MICAL2: variants seen among roughly 807,000 people sequenced by gnomAD.
MICAL2 encodes microtubule associated monooxygenase, calponin and LIM domain containing 2.
Under a neutral mutation model 127.3 loss-of-function variants are expected in MICAL2, and 77 were observed. That is an observed-to-expected ratio of 0.60 (90% CI 0.50 to 0.73). The LOEUF (loss-of-function observed/expected upper bound fraction) is 0.73. Among genes scored for constraint, MICAL2 ranks in the 30% least tolerant of loss-of-function variants. MICAL2 has a pLI of 0.00. For synonymous variants in MICAL2, 570 were observed against 551.1 expected (o/e 1.03, Z -0.48); for missense variants, 1,351 against 1,434.4 (o/e 0.94, Z 0.94).
At chr11:12,296,461 A>G (rs547685060), downstream of MICAL2, among the ~76,000 whole-genome samples, 63 of 150,946 alleles carry the variant, frequency 4.2e-4, no homozygotes, top group African/African-American at 1.5e-3. Flanking sequence ...AAACTATTAA[A>G]CTTTAGTTTA....
chr11:12,258,043 C>T (rs1272788314), intron 24 of MICAL2, among the ~76,000 whole-genome samples: 2 of 152,152 alleles, frequency 1.3e-5, no homozygotes, highest in Non-Finnish European at 2.9e-5. Context: ...AACTTGGCCT[C>T]AGTTTGATTT....
chr11:12,228,083 C>T (rs1212637240), intron 15 of MICAL2, among the ~76,000 whole-genome samples: 1 of 152,182 alleles, frequency 6.6e-6, no homozygotes, highest in Non-Finnish European at 1.5e-5. Flanking sequence ...AATCCCAGCA[C>T]TTTGGGAGGC....
chr11:12,257,265 A>G (rs1862456013), intron 24 of MICAL2: 2 of 320,404 alleles, frequency 6.2e-6, no homozygotes, highest in South Asian at 2.3e-4. Flanking sequence ...ACCACCCTCC[A>G]TTGTCCCTGT....
chr11:12,258,454 G>C lies in MICAL2; in HGVS notation c.3143-14G>C, dbSNP rs1225516879. 1 of 1,610,368 alleles carries C rather than the reference G, an allele frequency of 6.2e-7. No homozygotes were observed. Among genetic ancestry groups the C allele is most frequent in the Non-Finnish European group, 8.5e-7 (1 of 1,176,748 alleles). ...GAGAAAAATTTTTCTGTATGTGTGT[G>C]CCTCTTTTTACAGGCAAATTTTACT... On this transcript the variant is annotated splice_polypyrimidine_tract_variant and intron_variant, in intron 24 of 27. Transcript: ENST00000683283.
chr11:12,330,449 A>G (rs1864402423), intron 32 of MICAL2, among the ~76,000 whole-genome samples: 1 of 152,202 alleles, frequency 6.6e-6, no homozygotes, highest in Non-Finnish European at 1.5e-5. Flanking sequence ...AAACATGAGT[A>G]GTCTGCGACA....
At chr11:12,147,463 T>C (rs2133687061) in intron 2 of MICAL2, among the ~76,000 whole-genome samples, 1 of 152,352 alleles carries the variant, frequency 6.6e-6, no homozygotes, top group Non-Finnish European at 1.5e-5. Context: ...AGCTGAATTA[T>C]TTGAACCTTA....
chr11:12,339,831 C>A (rs779858950), intron 32 of MICAL2, among the ~76,000 whole-genome samples: 1 of 152,124 alleles, frequency 6.6e-6, no homozygotes, highest in African/African-American at 2.4e-5. Flanking sequence ...GAGTACCCAG[C>A]CTTGTGAGGT....
chr11:12,264,819 T>C (rs1386066626), downstream of MICAL2, among the ~76,000 whole-genome samples: 1 of 152,222 alleles, frequency 6.6e-6, no homozygotes, highest in Non-Finnish European at 1.5e-5. Context: ...CATTCATTTA[T>C]TCAGCAAATG....
In MICAL2 at chr11:12,134,893, G is replaced by A. The variant is rs139181725; in HGVS notation, c.-148-3497G>A. ...GAGGAGGCTCAAAGATTCAAAAGAG[G>A]TGCAGAAGAATCAAGCCCCAGGAAG... is the stretch of plus-strand genomic sequence containing the variant. On this transcript the variant is annotated intron_variant, in intron 1 of 27. Transcript: ENST00000683283. 7.8e-3 allele frequency among the ~76,000 whole-genome samples: 1,194 copies of A among 152,332 alleles called. 6 individuals are homozygous for A. The highest frequency in any genetic ancestry group is 0.01 in the Non-Finnish European group (702 of 68,026).
At chr11:12,254,453 A>AG (rs1177060368) in intron 22 of MICAL2, 2 of 152,342 alleles carry the variant, frequency 1.3e-5, no homozygotes, top group Non-Finnish European at 2.9e-5. Context: ...TCCGGGGACA[A>AG]GGGGTCTCTG....
chr11:12,262,554 C>A lies in MICAL2; in HGVS notation c.*17+17C>A. 6.2e-7 allele frequency: 1 copy of A among 1,601,984 alleles called. No individual in the cohort carries two copies. Among genetic ancestry groups the A allele is most frequent in the Non-Finnish European group, 8.6e-7 (1 of 1,169,202 alleles). ...TGCTCTAAGGTGACTGGTTTTCTTGCCAATTTTCAAAGAGTGGTACTAACC... is the reference window on the plus strand; with the variant it reads ...TGCTCTAAGGTGACTGGTTTTCTTGACAATTTTCAAAGAGTGGTACTAACC... On this transcript the variant is annotated intron_variant, in intron 27 of 27. Transcript: ENST00000683283.
upstream of MICAL2, among the ~76,000 whole-genome samples, chr11:12,271,811 C>G (rs72869203): frequency 0.41 from 61,671 of 152,046 alleles, 13,686 homozygotes; most frequent in Non-Finnish European, 0.5. Context: ...AAACCCAGCA[C>G]TAGCCATGGC....
chr11:12,240,949 T>C, intron 17 of MICAL2, 91 bp from the exon 18 acceptor site: 5 of 1,499,954 alleles, frequency 3.3e-6, no homozygotes, highest in Non-Finnish European at 4.5e-6. Flanking sequence ...CCTGCTCCTC[T>C]TCTCTTCTCC....
At chr11:12,111,137 G>C (rs938051779) in intron 1 of MICAL2, among the ~76,000 whole-genome samples, 2 of 152,182 alleles carry the variant, frequency 1.3e-5, no homozygotes, top group African/African-American at 4.8e-5. Flanking sequence ...TCCGAGCCTT[G>C]CACGCCCCGT....
chr11:12,293,535 C>T (rs1185989891), downstream of MICAL2: 1 of 1,549,196 alleles, frequency 6.5e-7, no homozygotes, highest in Non-Finnish European at 8.7e-7. Context: ...TTTTAAATAA[C>T]TGCTATTTTT....
At chr11:12,261,543 G>T in intron 26 of MICAL2, 1 of 985,506 alleles carries the variant, frequency 1.0e-6, no homozygotes, top group Non-Finnish European at 1.2e-6. Context: ...TCTACGGTGC[G>T]CAGTGTATCT....
At position 12,255,736 on chromosome 11, in the gene MICAL2, A is replaced by T. The variant is rs1157898247; in HGVS notation, c.2941A>T (p.Thr981Ser). The change falls in exon 23 of 28, where the codon ACC (threonine) becomes TCC (serine). Residue 981 changes from threonine (T) to serine (S), a missense_variant. Transcript: ENST00000683283. The part of the protein sequence containing the change: ...MNDHRPKAQA[T>S]SPDLESMRKS... ...TGATCACAGACCTAAGGCCCAGGCC[A>T]CCTCTCCAGACCTGGTAAGGACATG... is the stretch of plus-strand genomic sequence containing the variant. 6.2e-7 allele frequency: 1 copy of T among 1,612,906 alleles called. No homozygotes were observed.
At chr11:12,208,332 G>A (rs1481355361) in intron 5 of MICAL2, 193 bp downstream of exon 5, 2 of 521,232 alleles carry the variant, frequency 3.8e-6, no homozygotes, top group African/African-American at 1.9e-5. Context: ...GGCTCCAAGG[G>A]GATTTATGAT....
At chr11:12,186,159 TCTCC>T (rs1858235153) in intron 3 of MICAL2, among the ~76,000 whole-genome samples, 1 of 152,224 alleles carries the variant, frequency 6.6e-6, no homozygotes, top group Non-Finnish European at 1.5e-5. Flanking sequence ...GGCTGAGAGC[TCTCC>T]AGTGCTTAAG....
Sources: gnomAD v4.1 joint callset for allele counts (sites outside exome capture counted in the v4.1 genomes callset) on GRCh38, gnomAD v4.1.1 for gene constraint, MANE v1.5 for transcripts, NCBI Gene and HGNC (gene_info 2026-07-23, HGNC 2026-07-21) for gene names.